AIG1: variants seen among roughly 807,000 people sequenced by gnomAD.
AIG1 encodes androgen-induced gene 1 protein.
Under a neutral mutation model 31.4 loss-of-function variants are expected in AIG1, and 23 were observed. That is an observed-to-expected ratio of 0.73 (90% CI 0.53 to 1.04). AIG1 has a LOEUF of 1.04. Among genes scored for constraint, AIG1 ranks in the 50% least tolerant of loss-of-function variants. The pLI, the probability that AIG1 is intolerant of heterozygous loss-of-function variation, is 0.00. For synonymous variants in AIG1, 100 were observed against 110.5 expected (o/e 0.90, Z 0.60); for missense variants, 274 against 295.0 (o/e 0.93, Z 0.52).
chr6:143,150,799 G>T (rs182661731), intron 2 of AIG1, among the ~76,000 whole-genome samples: 1 of 152,126 alleles, frequency 6.6e-6, no homozygotes, highest in East Asian at 1.9e-4. Flanking sequence ...ACAGATCAGC[G>T]TCAAAGCAGA....
intron 4 of AIG1, among the ~76,000 whole-genome samples, chr6:143,295,894 T>C (rs1236136181): frequency 4.6e-5 from 7 of 152,202 alleles, no homozygotes. Context: ...TAAAGAGGGC[T>C]TCCTTGTCTC....
At chr6:143,229,990 A>T (rs1478676444) in intron 3 of AIG1, among the ~76,000 whole-genome samples, 2 of 152,180 alleles carry the variant, frequency 1.3e-5, no homozygotes, top group Admixed American at 6.5e-5. Flanking sequence ...TCCTGAGCTC[A>T]TAGAACTTTC....
intron 1 of AIG1, among the ~76,000 whole-genome samples, chr6:143,124,315 G>A (rs1782495599): frequency 6.6e-6 from 1 of 152,204 alleles, no homozygotes; most frequent in South Asian, 2.1e-4. Flanking sequence ...GTAGGTGTAA[G>A]GACATCCAGT....
At chr6:143,217,304 AT>A (rs1189738533) in intron 3 of AIG1, among the ~76,000 whole-genome samples, 3 of 152,136 alleles carry the variant, frequency 2.0e-5, no homozygotes, top group Non-Finnish European at 4.4e-5. Flanking sequence ...AAAAACTTGG[AT>A]TGATATGATG....
chr6:143,143,203 T>TA (rs1388375251), intron 2 of AIG1, among the ~76,000 whole-genome samples: 5 of 151,292 alleles, frequency 3.3e-5, no homozygotes, highest in Non-Finnish European at 7.4e-5. Context: ...AGGGGGAAAT[T>TA]AAAAAAAATA....
At chr6:143,187,805 A>G (rs1405198760) in intron 3 of AIG1, 43 of 1,497,564 alleles carry the variant, frequency 2.9e-5, no homozygotes, top group Non-Finnish European at 3.7e-5. Context: ...AAGTTTTGCC[A>G]AGTTGATGAA....
intron 1 of AIG1, among the ~76,000 whole-genome samples, chr6:143,072,913 C>A (rs1777422211): frequency 6.6e-6 from 1 of 152,054 alleles, no homozygotes; most frequent in Admixed American, 6.6e-5. Flanking sequence ...TAGCATGAAT[C>A]CCAGATACAG....
chr6:143,107,752 G>A (rs1266747826), intron 1 of AIG1, among the ~76,000 whole-genome samples: 1 of 152,174 alleles, frequency 6.6e-6, no homozygotes, highest in Non-Finnish European at 1.5e-5. Context: ...GGGCCCTCGA[G>A]TTATAAGTCA....
chr6:143,289,905 C>G (rs530776201), intron 4 of AIG1, among the ~76,000 whole-genome samples: 2 of 152,134 alleles, frequency 1.3e-5, no homozygotes, highest in Non-Finnish European at 2.9e-5. Context: ...TCCATTTAAT[C>G]AGATGTTTCT....
chr6:143,063,696 TA>T, intron 1 of AIG1, among the ~76,000 whole-genome samples: 1 of 152,150 alleles, frequency 6.6e-6, no homozygotes, highest in East Asian at 1.9e-4. Flanking sequence ...TTTAACTTTT[TA>T]AAATTGTAAT....
At chr6:143,169,072 A>G (rs1374071609) in intron 3 of AIG1, among the ~76,000 whole-genome samples, 4 of 151,782 alleles carry the variant, frequency 2.6e-5, no homozygotes, top group Non-Finnish European at 4.4e-5. Context: ...ATGTTTTACT[A>G]CTTATCCAAT....
chr6:143,227,374 C>A (rs1793067813), intron 3 of AIG1, among the ~76,000 whole-genome samples: 1 of 152,008 alleles, frequency 6.6e-6, no homozygotes, highest in South Asian at 2.1e-4. Flanking sequence ...GCCCCGTGCC[C>A]CTGCCCCGTG....
intron 3 of AIG1, among the ~76,000 whole-genome samples, chr6:143,192,914 G>A (rs1789921321): frequency 6.6e-6 from 1 of 152,178 alleles, no homozygotes; most frequent in South Asian, 2.1e-4. Context: ...GTAACTGCTA[G>A]GGGCCAGCCA....
intron 3 of AIG1, among the ~76,000 whole-genome samples, chr6:143,194,518 A>G (rs1374134967): frequency 1.3e-5 from 2 of 152,224 alleles, no homozygotes; most frequent in Non-Finnish European, 2.9e-5. Flanking sequence ...GTTTTTAAAT[A>G]TGAGACATTC....
chr6:143,126,019 A>G (rs1210487620), intron 1 of AIG1, among the ~76,000 whole-genome samples: 2 of 152,208 alleles, frequency 1.3e-5, no homozygotes, highest in Non-Finnish European at 2.9e-5. Flanking sequence ...CAGTTAGCCC[A>G]TCTCCTCAAA....
chr6:143,252,088 G>A (rs974553174), intron 3 of AIG1, among the ~76,000 whole-genome samples: 1 of 152,022 alleles, frequency 6.6e-6, no homozygotes, highest in Non-Finnish European at 1.5e-5. Context: ...TTACCATTGG[G>A]TCCATTTTTC....
At chr6:143,320,967 A>T (rs1461823749) in intron 4 of AIG1, among the ~76,000 whole-genome samples, 3 of 151,902 alleles carry the variant, frequency 2.0e-5, no homozygotes, top group Admixed American at 6.6e-5. Context: ...GATTACAGGC[A>T]TGTGCCACCA....
chr6:143,222,343 A>T (rs770946004), intron 3 of AIG1, among the ~76,000 whole-genome samples: 2 of 152,036 alleles, frequency 1.3e-5, no homozygotes, highest in Non-Finnish European at 2.9e-5. Flanking sequence ...TGGGGTTAGG[A>T]ATTATCGGGA....
chr6:143,102,488 A>T (rs1248956129), intron 1 of AIG1, among the ~76,000 whole-genome samples: 1 of 147,412 alleles, frequency 6.8e-6, no homozygotes, highest in African/African-American at 2.5e-5. Flanking sequence ...TAATATATAT[A>T]AAAATATATA....
Sources: gnomAD v4.1 joint callset for allele counts (sites outside exome capture counted in the v4.1 genomes callset) on GRCh38, gnomAD v4.1.1 for gene constraint, MANE v1.5 for transcripts, NCBI Gene and HGNC (gene_info 2026-07-23, HGNC 2026-07-21) for gene names.